Variants in FANCI observed in about 807,000 individuals in gnomAD.
The protein encoded by FANCI is Fanconi anemia group I protein.
A neutral mutation model predicts 176.1 loss-of-function variants in FANCI; 156 were observed. The observed-to-expected ratio is 0.89, with a 90% CI of 0.78 to 1.01. FANCI has a LOEUF of 1.01. Ranked by LOEUF, FANCI falls within the 50% of genes least tolerant of loss-of-function variation. The pLI is 0.00. For synonymous variants in FANCI, 613 were observed against 541.7 expected (o/e 1.13, Z -1.83); for missense variants, 1,678 against 1,534.1 (o/e 1.09, Z -1.57).
intron 24 of FANCI, among the ~76,000 whole-genome samples, chr15:89,297,643 C>T (rs1017456961): frequency 3.3e-5 from 5 of 151,860 alleles, no homozygotes; most frequent in East Asian, 1.9e-4. Flanking sequence ...TGCAGGCACT[C>T]GGCAGGCTGA....
intron 18 of FANCI, among the ~76,000 whole-genome samples, chr15:89,289,236 A>C (rs1039547400): frequency 6.6e-6 from 1 of 152,124 alleles, no homozygotes; most frequent in African/African-American, 2.4e-5. Context: ...CATTCATAAA[A>C]TATTTTAATT....
intron 28 of FANCI, among the ~76,000 whole-genome samples, 189 bp downstream of exon 28, chr15:89,304,104 G>A (rs970215554): frequency 4.3e-4 from 65 of 152,172 alleles, no homozygotes; most frequent in African/African-American, 1.5e-3. Context: ...TTCACTGGGG[G>A]TGGAGGTAGA....
At chr15:89,263,610 C>CCTCA in intron 7 of FANCI, 150 bp downstream of exon 7, 1 of 813,150 alleles carries the variant, frequency 1.2e-6, no homozygotes, top group South Asian at 1.6e-5. Flanking sequence ...CAGATTCCCT[C>CCTCA]CTCACTCCTG....
rs778788112 is a variant in FANCI at position 89,316,854 on chromosome 15, A to C, written c.*395A>C. 5.2e-6 allele frequency: 8 copies of C among 1,534,598 alleles called. No homozygotes were observed. The South Asian group carries it at 7.8e-5, about 15-fold the overall frequency. On this transcript the variant is annotated 3_prime_UTR_variant, in exon 38 of 38. Transcript: ENST00000310775. The stretch of plus-strand genomic sequence containing the variant: ...TGAAAGATAGTGCAAATTGGTTAGG[A>C]TGCCACCTCAAGAACTGTAACTGAG...
At chr15:89,299,656 A>G in intron 24 of FANCI, 144 bp from the exon 25 acceptor site, 1 of 746,658 alleles carries the variant, frequency 1.3e-6, no homozygotes, top group East Asian at 3.0e-5. Flanking sequence ...TGATAGAAAT[A>G]CCTTGATTGT....
chr15:89,299,169 C>CAA (rs34417823), intron 24 of FANCI, among the ~76,000 whole-genome samples: 19 of 110,178 alleles, frequency 1.7e-4, no homozygotes, highest in Admixed American at 2.8e-4. Context: ...GACTCTGTCT[C>CAA]AAAAAAAAAA....
chr15:89,304,650 G>A (rs897293750), intron 28 of FANCI, among the ~76,000 whole-genome samples: 2 of 152,174 alleles, frequency 1.3e-5, no homozygotes, highest in Non-Finnish European at 2.9e-5. Context: ...TAGCTGCTTG[G>A]CTGTAGTATG....
At chr15:89,257,832 T>C (rs2052560498) in intron 2 of FANCI, among the ~76,000 whole-genome samples, 1 of 152,176 alleles carries the variant, frequency 6.6e-6, no homozygotes, top group Non-Finnish European at 1.5e-5. Context: ...TACTAACAGG[T>C]ATCCCCATTT....
At chr15:89,316,156 A>T (rs925904430) in intron 37 of FANCI, 1 of 549,870 alleles carries the variant, frequency 1.8e-6, no homozygotes, top group African/African-American at 1.9e-5. Context: ...ATTTTGTCCC[A>T]TAAGTATCCT....
intron 16 of FANCI, 88 bp from the exon 17 acceptor site, chr15:89,283,048 T>C (rs1360985116): frequency 2.4e-6 from 3 of 1,268,510 alleles, no homozygotes; most frequent in Non-Finnish European, 3.5e-6. Flanking sequence ...ATATGCCTTC[T>C]CTGTATGCAA....
chr15:89,298,315 A>C (rs986886243), intron 24 of FANCI, among the ~76,000 whole-genome samples: 1 of 152,260 alleles, frequency 6.6e-6, no homozygotes, highest in South Asian at 2.1e-4. Flanking sequence ...AAACAGAATT[A>C]AAGAAGAAAG....
chr15:89,266,173 T>TTG (rs1266181350), intron 9 of FANCI, among the ~76,000 whole-genome samples: 1 of 147,984 alleles, frequency 6.8e-6, no homozygotes, highest in African/African-American at 2.5e-5. Context: ...CTGTTTTTTT[T>TTG]TTTTTTTTTT....
rs144346886 is a variant in FANCI at position 89,316,771 on chromosome 15, G to C, written c.*312G>C. ...CAGTGCTATGGTCCAGGCTGGCTTC[G>C]TTTTTCCAAGGAGCCTTTGGTGAGT... On this transcript the variant is annotated 3_prime_UTR_variant, in exon 38 of 38. Transcript: ENST00000310775. 1.4e-5 allele frequency: 22 copies of C among 1,613,580 alleles called. No individual in the cohort carries two copies. Among genetic ancestry groups the C allele is most frequent in the East Asian group, 2.2e-5 (1 of 44,900 alleles).
At chr15:89,256,289 A>G (rs994138319) in intron 2 of FANCI, among the ~76,000 whole-genome samples, 6 of 152,240 alleles carry the variant, frequency 3.9e-5, no homozygotes, top group Non-Finnish European at 8.8e-5. Flanking sequence ...AAATGTTTCT[A>G]GACATTGTCT....
intron 15 of FANCI, 152 bp downstream of exon 15, chr15:89,281,452 T>C: frequency 1.1e-6 from 1 of 909,798 alleles, no homozygotes; most frequent in Non-Finnish European, 1.7e-6. Context: ...GCAAGAGCAT[T>C]GAGCAAGACT....
chr15:89,249,523 T>G (rs1484272533), intron 2 of FANCI, among the ~76,000 whole-genome samples: 4 of 152,084 alleles, frequency 2.6e-5, no homozygotes, highest in African/African-American at 9.7e-5. Flanking sequence ...AATTTTTGTA[T>G]TTTTAGCAGA....
At chr15:89,276,186 G>T (rs1392395575) in intron 12 of FANCI, among the ~76,000 whole-genome samples, 2 of 152,170 alleles carry the variant, frequency 1.3e-5, no homozygotes, top group Non-Finnish European at 2.9e-5. Flanking sequence ...TTTTACAAAA[G>T]ATTATTTGTA....
Position 89,285,152 on chromosome 15 carries a change from T to C in FANCI, c.1755T>C (p.Leu585=). The C allele has an allele frequency of 6.2e-7, 1 of 1,611,788 alleles. No individual in the cohort carries two copies. Among genetic ancestry groups the C allele is most frequent in the Non-Finnish European group, 8.5e-7 (1 of 1,177,958 alleles). Reference sequence around the variant, plus strand: ...CTGTCGCCAATGAAACTTTTTGCCTTGAGATCATGGATAGTTTGAGGAGAT... The same window carrying C: ...CTGTCGCCAATGAAACTTTTTGCCTCGAGATCATGGATAGTTTGAGGAGAT... The part of the protein sequence containing the change: ...YNSVANETFC[L]EIMDSLRRCL... The change falls in exon 18 of 38, where the codon CTT becomes CTC. Residue 585 remains leucine, a synonymous_variant. Coordinates refer to ENST00000310775, the MANE Select transcript of FANCI (RefSeq NM_001113378.2).
intron 32 of FANCI, among the ~76,000 whole-genome samples, chr15:89,306,580 T>C (rs1247184524): frequency 3.3e-5 from 5 of 151,964 alleles, no homozygotes; most frequent in Non-Finnish European, 7.4e-5. Flanking sequence ...TAATCCCAGC[T>C]ACTCAGGAGG....
Sources: gnomAD v4.1 joint callset for allele counts (sites outside exome capture counted in the v4.1 genomes callset) on GRCh38, gnomAD v4.1.1 for gene constraint, MANE v1.5 for transcripts, NCBI Gene and HGNC (gene_info 2026-07-23, HGNC 2026-07-21) for gene names.